Variants in SYN3 observed in about 807,000 individuals in gnomAD.
SYN3 encodes the protein synapsin III.
In SYN3, 35 loss-of-function variants were observed where a neutral mutation model predicts 65.8. That is an observed-to-expected ratio of 0.53 (90% CI 0.41 to 0.70). SYN3 has a LOEUF of 0.70. SYN3 is among the 30% of genes least tolerant of loss of function. The probability of loss-of-function intolerance (pLI) is 0.00; values close to 1 mark genes in which losing one functional copy is unlikely to be tolerated. For missense variants in SYN3, 680 were observed against 749.0 expected (o/e 0.91, Z 1.08); for synonymous variants, 270 against 292.9 (o/e 0.92, Z 0.80).
Position 32,650,293 on chromosome 22 carries a change from G to C in SYN3, c.712-53557C>G, listed in dbSNP as rs77421284. ...TCTCTCTCTTTCTTTTTGAGACAGA[G>C]TCTCACTCTATCACCCAGGCTGGAG... On this transcript the variant is annotated intron_variant, in intron 6 of 13. Transcript: ENST00000358763. 5.9e-4 allele frequency among the ~76,000 whole-genome samples: 65 copies of C among 109,396 alleles called. 1 individual carries two copies. In the East Asian group the frequency reaches 0.019, roughly 32 times the overall value. 71.8% of individuals were successfully genotyped at this position (109,396 alleles called of 152,430 possible). A position where few individuals can be genotyped will look rare whatever the true frequency, so the allele number is the denominator to read the frequency against.
intron 12 of SYN3, among the ~76,000 whole-genome samples, chr22:32,522,591 G>A (rs966871996): frequency 6.6e-6 from 1 of 152,122 alleles, no homozygotes; most frequent in Non-Finnish European, 1.5e-5. Flanking sequence ...TTAGTTACAA[G>A]GATTGTTAAT....
Position 32,825,657 on chromosome 22 carries a change from C to CAAAAAAAAAA in SYN3, c.711+39248_711+39257dup, listed in dbSNP as rs130292. On this transcript the variant is annotated intron_variant, in intron 6 of 13. Coordinates refer to ENST00000358763, the MANE Select transcript of SYN3 (RefSeq NM_003490.4). ...TGGGCGACAGAGCGAGTTTCCATCT[C>CAAAAAAAAAA]AAAAAAAAAAAAAAAAAAAAAAAAA... Among the ~76,000 whole-genome samples the CAAAAAAAAAA allele has an allele frequency of 1.4e-4, 4 of 28,594 alleles. 1 individual carries two copies. The highest frequency in any genetic ancestry group is 1.8e-4 in the Non-Finnish European group (3 of 16,318). The allele number at this position is 28,594 out of a possible 152,430, so 18.8% of individuals were successfully genotyped here. A position where few individuals can be genotyped will look rare whatever the true frequency, so the allele number is the denominator to read the frequency against.
intron 9 of SYN3, among the ~76,000 whole-genome samples, chr22:32,537,085 A>G (rs1306514212): frequency 6.6e-6 from 1 of 152,098 alleles, no homozygotes; most frequent in East Asian, 1.9e-4. Flanking sequence ...CTGCTAGCAG[A>G]GGTCACAGGG....
intron 1 of SYN3, among the ~76,000 whole-genome samples, chr22:33,041,017 C>T (rs982386124): frequency 4.0e-5 from 6 of 151,642 alleles, no homozygotes; most frequent in East Asian, 2.0e-4. Flanking sequence ...CTGGTTCAAG[C>T]GATTCTCCTG....
chr22:32,697,139 G>A (rs980269430), intron 6 of SYN3, among the ~76,000 whole-genome samples: 8 of 152,170 alleles, frequency 5.3e-5, no homozygotes, highest in Non-Finnish European at 1.2e-4. Flanking sequence ...CTGCCCAAGA[G>A]GAGACCCTCT....
At chr22:33,039,695 C>T (rs563075393) in intron 1 of SYN3, among the ~76,000 whole-genome samples, 18 of 152,186 alleles carry the variant, frequency 1.2e-4, no homozygotes, top group Non-Finnish European at 2.4e-4. Flanking sequence ...CGTGAGCCAC[C>T]GCGCCTGGCC....
intron 5 of SYN3, among the ~76,000 whole-genome samples, chr22:32,868,562 T>A (rs2048753164): frequency 6.6e-6 from 1 of 151,892 alleles, no homozygotes; most frequent in East Asian, 1.9e-4. Context: ...TGCCTCAGCC[T>A]CCCGAGTAGC....
chr22:32,932,275 G>T (rs903600086), intron 3 of SYN3, among the ~76,000 whole-genome samples: 3 of 145,560 alleles, frequency 2.1e-5, no homozygotes, highest in African/African-American at 7.7e-5. Flanking sequence ...TCTTGGTAAT[G>T]GCCCCTCCTC....
At chr22:32,536,528 C>G (rs949179452) in intron 9 of SYN3, among the ~76,000 whole-genome samples, 4 of 152,238 alleles carry the variant, frequency 2.6e-5, no homozygotes, top group African/African-American at 9.6e-5. Flanking sequence ...TGCTCCCACT[C>G]CAGTCTCCAG....
At chr22:32,731,150 C>T (rs189282854) in intron 6 of SYN3, among the ~76,000 whole-genome samples, 1 of 152,314 alleles carries the variant, frequency 6.6e-6, no homozygotes, top group East Asian at 1.9e-4. Context: ...TCCTGGCATA[C>T]AGTAAGTGAT....
intron 3 of SYN3, among the ~76,000 whole-genome samples, chr22:32,965,739 A>G (rs963525962): frequency 2.0e-5 from 3 of 152,140 alleles, no homozygotes; most frequent in Admixed American, 2.0e-4. Context: ...TCTTTCGCCC[A>G]GGCTGAAGTG....
intron 6 of SYN3, among the ~76,000 whole-genome samples, chr22:32,836,049 G>A (rs931854717): frequency 1.3e-5 from 2 of 152,210 alleles, no homozygotes; most frequent in South Asian, 2.1e-4. Flanking sequence ...GTAGAAAGAA[G>A]ATGAGCTTTG....
intron 6 of SYN3, among the ~76,000 whole-genome samples, chr22:32,839,946 C>T (rs2047845438): frequency 6.6e-6 from 1 of 151,982 alleles, no homozygotes; most frequent in Non-Finnish European, 1.5e-5. Context: ...AGCAGAAACC[C>T]ATCCTGCTCA....
intron 2 of SYN3, among the ~76,000 whole-genome samples, chr22:32,993,734 G>T (rs2052793790): frequency 6.6e-6 from 1 of 151,866 alleles, no homozygotes; most frequent in South Asian, 2.1e-4. Context: ...GTGATAGAAA[G>T]TCTTTTGGGG....
intron 6 of SYN3, among the ~76,000 whole-genome samples, chr22:32,854,968 G>A (rs559212766): frequency 5.1e-4 from 77 of 152,128 alleles, no homozygotes; most frequent in Non-Finnish European, 9.7e-4. Context: ...ATGAGAAAAC[G>A]CCAGCTCACA....
intron 4 of SYN3, among the ~76,000 whole-genome samples, chr22:32,881,244 G>A (rs923257408): frequency 2.6e-5 from 4 of 152,198 alleles, no homozygotes; most frequent in African/African-American, 7.2e-5. Flanking sequence ...AGTGGGGGAA[G>A]GGGAAAGCCC....
intron 6 of SYN3, among the ~76,000 whole-genome samples, chr22:32,722,244 T>C (rs1474614836): frequency 6.6e-6 from 1 of 152,054 alleles, no homozygotes; most frequent in East Asian, 1.9e-4. Flanking sequence ...ACCCACAGGG[T>C]GGTGAGTTGG....
At chr22:32,981,968 T>C (rs2052387325) in intron 2 of SYN3, among the ~76,000 whole-genome samples, 1 of 152,196 alleles carries the variant, frequency 6.6e-6, no homozygotes, top group Non-Finnish European at 1.5e-5. Context: ...ATATGTTGAA[T>C]GTATAAAAGA....
chr22:33,045,263 G>GT (rs1033647009), intron 1 of SYN3, among the ~76,000 whole-genome samples: 1 of 152,134 alleles, frequency 6.6e-6, no homozygotes, highest in African/African-American at 2.4e-5. Context: ...CACATGACCT[G>GT]TGACAGCACA....
Sources: allele counts gnomAD v4.1 joint callset (sites outside exome capture counted in the v4.1 genomes callset), GRCh38; gene constraint gnomAD v4.1.1; transcripts MANE v1.5; gene names NCBI Gene and HGNC (gene_info 2026-07-23, HGNC 2026-07-21).